The following HUNK variants were observed in gnomAD, a reference collection of about 807,000 sequenced individuals.
HUNK encodes the protein hormonally up-regulated Neu-associated kinase.
HUNK carries 21 observed loss-of-function variants against 61.0 expected under a neutral mutation model. That is an observed-to-expected ratio of 0.34 (90% CI 0.24 to 0.50). HUNK has a LOEUF of 0.50. HUNK is among the 20% of genes least tolerant of loss of function. The pLI, the probability that HUNK is intolerant of heterozygous loss-of-function variation, is 0.98. For synonymous variants in HUNK, 371 were observed against 386.1 expected (o/e 0.96, Z 0.46); for missense variants, 772 against 945.7 (o/e 0.82, Z 2.41).
intron 1 of HUNK, among the ~76,000 whole-genome samples, chr21:31,898,497 C>T (rs1460014828): frequency 2.0e-5 from 3 of 152,228 alleles, no homozygotes; most frequent in South Asian, 2.1e-4. Context: ...AAACTCCTGG[C>T]GTCAAGTGAT....
chr21:31,898,608 C>T (rs1601365551), intron 1 of HUNK, among the ~76,000 whole-genome samples: 3 of 152,130 alleles, frequency 2.0e-5, no homozygotes, highest in South Asian at 4.1e-4. Flanking sequence ...ACTGAATGTG[C>T]CTTTTTCAGC....
chr21:31,948,384 G>A (rs2052824775), intron 4 of HUNK, among the ~76,000 whole-genome samples: 1 of 152,158 alleles, frequency 6.6e-6, no homozygotes, highest in Admixed American at 6.5e-5. Flanking sequence ...GTGTTGTTGG[G>A]TGCAGGTTCC....
At chr21:31,896,345 A>G (rs1229957676) in intron 1 of HUNK, among the ~76,000 whole-genome samples, 3 of 152,200 alleles carry the variant, frequency 2.0e-5, no homozygotes, top group African/African-American at 7.2e-5. Context: ...ACCACTTTCT[A>G]ATGGGATCCT....
rs2052484160 is a variant in HUNK at position 31,903,575 on chromosome 21, T to C, written c.262-20893T>C. ...GACTAAATGATGAATAAGAAGTCTATATTTTAAAAGAATTTTGAAAGTTAG... is the reference window on the plus strand; with the variant it reads ...GACTAAATGATGAATAAGAAGTCTACATTTTAAAAGAATTTTGAAAGTTAG... On this transcript the variant is annotated intron_variant, in intron 1 of 10. Coordinates refer to ENST00000270112, the MANE Select transcript of HUNK (RefSeq NM_014586.2). 2.0e-5 allele frequency among the ~76,000 whole-genome samples: 3 copies of C among 152,332 alleles called. No homozygotes were observed. In the South Asian group the frequency reaches 6.2e-4, roughly 32 times the overall value.
At chr21:31,971,272 A>G (rs893358266) in intron 6 of HUNK, among the ~76,000 whole-genome samples, 1 of 151,740 alleles carries the variant, frequency 6.6e-6, no homozygotes, top group African/African-American at 2.4e-5. Flanking sequence ...AGGTTTCACC[A>G]TGTTGCCCAG....
Position 31,999,979 on chromosome 21 carries a change from G to A in HUNK, c.*795G>A. ...CACCAAACTCATGTTTTCACAGGAG[G>A]GTTCAGTGTGGAGAGCAAAAAAGCT... On this transcript the variant is annotated 3_prime_UTR_variant, in exon 11 of 11. Transcript: ENST00000270112. 2.5e-6 allele frequency: 1 copy of A among 396,352 alleles called. No individual in the cohort carries two copies. The allele number at this position is 396,352 out of a possible 1,614,324, so 24.6% of individuals were successfully genotyped here.
intron 9 of HUNK, among the ~76,000 whole-genome samples, chr21:31,993,957 G>A (rs1483963804): frequency 1.3e-5 from 2 of 152,162 alleles, no homozygotes; most frequent in African/African-American, 4.8e-5. Flanking sequence ...TGCAGGCTCT[G>A]AGAGTGTGGT....
At chr21:31,987,855 A>G (rs1284889697) in intron 8 of HUNK, among the ~76,000 whole-genome samples, 1 of 152,160 alleles carries the variant, frequency 6.6e-6, no homozygotes, top group Non-Finnish European at 1.5e-5. Context: ...CGTCCTCCGC[A>G]CCACATGGCA....
At chr21:31,941,665 T>G (rs937980850) in intron 3 of HUNK, among the ~76,000 whole-genome samples, 6 of 152,150 alleles carry the variant, frequency 3.9e-5, no homozygotes, top group African/African-American at 1.2e-4. Context: ...AGGGGCCAAG[T>G]GCAGAAGCTG....
intron 1 of HUNK, among the ~76,000 whole-genome samples, chr21:31,894,489 G>A (rs922022980): frequency 6.6e-6 from 1 of 152,162 alleles, no homozygotes; most frequent in African/African-American, 2.4e-5. Flanking sequence ...ACTTGGAGAT[G>A]ATCATTTGTT....
intron 9 of HUNK, among the ~76,000 whole-genome samples, chr21:31,994,950 C>G (rs1005816646): frequency 2.6e-5 from 4 of 152,112 alleles, no homozygotes; most frequent in Admixed American, 2.0e-4. Context: ...GGCAGGAGTT[C>G]AAAACCAGCC....
intron 1 of HUNK, among the ~76,000 whole-genome samples, chr21:31,918,496 G>T (rs1027329161): frequency 6.6e-6 from 1 of 152,158 alleles, no homozygotes; most frequent in Non-Finnish European, 1.5e-5. Flanking sequence ...ACAGTCTGGA[G>T]GCTGGAAGTC....
At chr21:31,902,678 C>A (rs1473784538) in intron 1 of HUNK, among the ~76,000 whole-genome samples, 4 of 152,220 alleles carry the variant, frequency 2.6e-5, no homozygotes, top group Admixed American at 6.5e-5. Context: ...TGTTTTCACA[C>A]CATGAAATTT....
chr21:31,961,162 T>A (rs1239937563), intron 5 of HUNK, among the ~76,000 whole-genome samples: 1 of 152,170 alleles, frequency 6.6e-6, no homozygotes, highest in Non-Finnish European at 1.5e-5. Context: ...AATTTTGTCA[T>A]TTCAAAAATG....
At chr21:31,874,356 A>G (rs973789193) in intron 1 of HUNK, among the ~76,000 whole-genome samples, 1 of 150,426 alleles carries the variant, frequency 6.6e-6, no homozygotes, top group Non-Finnish European at 1.5e-5. Context: ...CAGGAAAGCT[A>G]ACAGCCAGCC....
At chr21:31,961,341 A>G (rs1266147491) in intron 5 of HUNK, among the ~76,000 whole-genome samples, 2 of 152,164 alleles carry the variant, frequency 1.3e-5, no homozygotes, top group South Asian at 2.1e-4. Flanking sequence ...GGCTATCATG[A>G]ATAAAGATGC....
intron 1 of HUNK, among the ~76,000 whole-genome samples, chr21:31,922,987 A>G (rs1416406202): frequency 2.0e-5 from 3 of 152,178 alleles, no homozygotes; most frequent in Non-Finnish European, 4.4e-5. Flanking sequence ...GTCTCAGTTC[A>G]TGACAGGGCA....
At chr21:31,958,704 T>C in intron 4 of HUNK, 139 bp from the exon 5 acceptor site, 1 of 761,446 alleles carries the variant, frequency 1.3e-6, no homozygotes, top group Non-Finnish European at 2.1e-6. Flanking sequence ...CTGAGCATTC[T>C]ACAAAGATGA....
intron 1 of HUNK, among the ~76,000 whole-genome samples, chr21:31,896,233 G>A (rs922825515): frequency 2.0e-5 from 3 of 152,118 alleles, no homozygotes; most frequent in Non-Finnish European, 2.9e-5. Context: ...TTGGCAGCCC[G>A]GGCCAACTAA....
Sources: gnomAD v4.1 joint callset for allele counts (sites outside exome capture counted in the v4.1 genomes callset) on GRCh38, gnomAD v4.1.1 for gene constraint, MANE v1.5 for transcripts, NCBI Gene and HGNC (gene_info 2026-07-23, HGNC 2026-07-21) for gene names.